ZCCHC17: variants seen among roughly 807,000 people sequenced by gnomAD.
ZCCHC17 encodes the protein zinc finger CCHC domain-containing protein 17.
In ZCCHC17, 18 loss-of-function variants were observed where a neutral mutation model predicts 30.6. The observed-to-expected ratio is 0.59, with a 90% confidence interval of 0.41 to 0.87. The LOEUF (loss-of-function observed/expected upper bound fraction) is 0.87. Among genes scored for constraint, ZCCHC17 ranks in the 40% least tolerant of loss-of-function variants. ZCCHC17 has a pLI of 0.00. For synonymous variants in ZCCHC17, 88 were observed against 92.4 expected (o/e 0.95, Z 0.27); for missense variants, 263 against 284.2 (o/e 0.93, Z 0.54).
In ZCCHC17 at chr1:31,364,150, A is replaced by G; in HGVS notation, c.683A>G (p.Lys228Arg). 6.2e-7 allele frequency: 1 copy of G among 1,613,930 alleles called. No individual in the cohort carries two copies. Among genetic ancestry groups the G allele is most frequent in the Non-Finnish European group, 8.5e-7 (1 of 1,179,902 alleles). The change falls in exon 8 of 8, where the codon AAG becomes AGG. Residue 228 changes from lysine (K) to arginine (R), a missense_variant. Transcript: ENST00000344147. ...HTSKDSKAAK[K>R]KKKKKKHKKK... ...TCAAAAGACAGCAAGGCAGCAAAGA[A>G]GAAGAAAAAGAAGAAGAAGCACAAG...
chr1:31,325,233 A>G (rs1334923682), intron 3 of ZCCHC17, among the ~76,000 whole-genome samples: 1 of 152,220 alleles, frequency 6.6e-6, no homozygotes, highest in African/African-American at 2.4e-5. Flanking sequence ...GGGTCTCCTG[A>G]GAGCTGTACC....
intron 7 of ZCCHC17, among the ~76,000 whole-genome samples, chr1:31,351,135 A>G (rs1325335541): frequency 4.6e-5 from 7 of 152,076 alleles, no homozygotes; most frequent in Admixed American, 2.0e-4. Context: ...CTACCTTTCT[A>G]TCATATATTA....
Position 31,340,133 on chromosome 1 carries a change from G to A in ZCCHC17, c.317+1085G>A, listed in dbSNP as rs371782957. On this transcript the variant is annotated intron_variant, in intron 5 of 7. Transcript: ENST00000344147. The stretch of plus-strand genomic sequence containing the variant: ...CACCACACCTAATTTTTATTTTGTA[G>A]AGACAGGGTCTCCCTATGTTGCCCA... Among the ~76,000 whole-genome samples, 5 of 151,266 alleles carry A rather than the reference G, an allele frequency of 3.3e-5. No individual in the cohort carries two copies. The East Asian group carries it at 9.8e-4, about 30-fold the overall frequency.
chr1:31,303,863 C>T (rs550890998), intron 1 of ZCCHC17, among the ~76,000 whole-genome samples: 3 of 152,336 alleles, frequency 2.0e-5, no homozygotes, highest in Non-Finnish European at 4.4e-5. Context: ...GGCCCCACCT[C>T]TTGATGCTCG....
intron 3 of ZCCHC17, among the ~76,000 whole-genome samples, chr1:31,322,378 T>G (rs531464067): frequency 1.3e-5 from 2 of 152,296 alleles, no homozygotes; most frequent in East Asian, 3.9e-4. Flanking sequence ...TTCCCAGCAC[T>G]TCCCCCCAAA....
chr1:31,360,058 C>T (rs1417167732), intron 7 of ZCCHC17, among the ~76,000 whole-genome samples: 1 of 151,952 alleles, frequency 6.6e-6, no homozygotes, highest in African/African-American at 2.4e-5. Context: ...TTGGCTGACC[C>T]CAACCTCTGC....
intron 3 of ZCCHC17, among the ~76,000 whole-genome samples, chr1:31,330,240 T>C (rs890778279): frequency 2.0e-4 from 31 of 152,242 alleles, no homozygotes; most frequent in African/African-American, 7.2e-4. Context: ...GGGACTATAA[T>C]GGGCTCACTC....
At chr1:31,353,725 C>T (rs180838217) in intron 7 of ZCCHC17, among the ~76,000 whole-genome samples, 2 of 151,006 alleles carry the variant, frequency 1.3e-5, no homozygotes, top group East Asian at 3.9e-4. Context: ...TTTAAAACAC[C>T]ATAGGTTGAA....
chr1:31,332,808 G>A (rs570861615), intron 3 of ZCCHC17, among the ~76,000 whole-genome samples: 1 of 152,212 alleles, frequency 6.6e-6, no homozygotes, highest in South Asian at 2.1e-4. Context: ...TTTTAGTAGA[G>A]ATGGAGTTTC....
At chr1:31,299,378 G>C (rs900508778) in intron 1 of ZCCHC17, among the ~76,000 whole-genome samples, 4 of 152,244 alleles carry the variant, frequency 2.6e-5, no homozygotes, top group Non-Finnish European at 5.9e-5. Context: ...CATGCATGGA[G>C]AAAACCTTTC....
At position 31,313,068 on chromosome 1, in the gene ZCCHC17, CTTTTTTT is replaced by C. The variant is rs59004055; in HGVS notation, c.66+2918_66+2924del. 7.9e-5 allele frequency among the ~76,000 whole-genome samples: 9 copies of C among 113,498 alleles called. No homozygotes were observed. The South Asian group carries it at 9.2e-4, about 12-fold the overall frequency. The allele number at this position is 113,498 out of a possible 152,430, so 74.5% of individuals were successfully genotyped here. A position where few individuals can be genotyped will look rare whatever the true frequency, so the allele number is the denominator to read the frequency against. Reference sequence around the variant, plus strand: ...AGGTGTGAGCCACCACACTGGGCCTCTTTTTTTTTTTTTTTTTTTTCTTTTTTTTGAG... The same window carrying C: ...AGGTGTGAGCCACCACACTGGGCCTCTTTTTTTTTTTTTCTTTTTTTTGAG... On this transcript the variant is annotated intron_variant, in intron 2 of 7. Coordinates refer to ENST00000344147, the MANE Select transcript of ZCCHC17 (RefSeq NM_016505.4).
At position 31,308,600 on chromosome 1, in the gene ZCCHC17, A is replaced by G. The variant is rs533085674; in HGVS notation, c.-55-1444A>G. ...AGGAAAGAGAACTGAGGATAGTACC[A>G]TTAGATTTATCTTGGCAGTGATTTA... On this transcript the variant is annotated intron_variant, in intron 1 of 7. Transcript: ENST00000344147. Among the ~76,000 whole-genome samples the G allele has an allele frequency of 9.8e-5, 15 of 152,360 alleles. No homozygotes were observed. In the South Asian group the frequency reaches 2.9e-3, roughly 29 times the overall value.
chr1:31,349,571 G>A (rs1423733669), intron 7 of ZCCHC17, among the ~76,000 whole-genome samples: 1 of 152,110 alleles, frequency 6.6e-6, no homozygotes, highest in African/African-American at 2.4e-5. Context: ...GGCCTCAAGT[G>A]ATCTACCCAC....
chr1:31,331,315 AT>A (rs922934392), intron 3 of ZCCHC17, among the ~76,000 whole-genome samples: 19 of 147,102 alleles, frequency 1.3e-4, no homozygotes, highest in East Asian at 2.0e-4. Flanking sequence ...TAATTTTTGT[AT>A]TTTTTTTTTA....
chr1:31,324,373 AGGGCT>A (rs1440210465), intron 3 of ZCCHC17, among the ~76,000 whole-genome samples: 1 of 152,192 alleles, frequency 6.6e-6, no homozygotes, highest in African/African-American at 2.4e-5. Context: ...CTGTGCGGCC[AGGGCT>A]GCATGTTCTA....
At chr1:31,355,199 A>G (rs1274547061) in intron 7 of ZCCHC17, among the ~76,000 whole-genome samples, 1 of 140,132 alleles carries the variant, frequency 7.1e-6, no homozygotes, top group Non-Finnish European at 1.6e-5. Context: ...AAAAAAAAAA[A>G]GTATCTTTGT....
Position 31,337,218 on chromosome 1 carries a change from G to C in ZCCHC17, c.168G>C (p.Lys56Asn). The C allele has an allele frequency of 6.2e-7, 1 of 1,614,112 alleles. No individual in the cohort carries two copies. Among genetic ancestry groups the C allele is most frequent in the Non-Finnish European group, 8.5e-7 (1 of 1,180,018 alleles). The stretch of plus-strand genomic sequence containing the variant: ...ATATGTCATCCTGTCGGGTGGATAA[G>C]CCCTCTGAGATAGTAGATGTTGGAG... Reference protein sequence around the residue: ...RTHMSSCRVDKPSEIVDVGDK... With the variant: ...RTHMSSCRVDNPSEIVDVGDK... Residue 56 changes from lysine to asparagine, a missense_variant, in exon 4 of 8, where the codon AAG (lysine) becomes AAC (asparagine). Coordinates refer to ENST00000344147, the MANE Select transcript of ZCCHC17 (RefSeq NM_016505.4).
intron 1 of ZCCHC17, among the ~76,000 whole-genome samples, chr1:31,307,737 G>A (rs1646500406): frequency 6.6e-6 from 1 of 152,084 alleles, no homozygotes; most frequent in East Asian, 1.9e-4. Context: ...ACCATGCCCG[G>A]CTCATTTTTT....
intron 1 of ZCCHC17, among the ~76,000 whole-genome samples, chr1:31,305,127 T>C (rs1031813758): frequency 4.6e-5 from 7 of 152,180 alleles, no homozygotes; most frequent in African/African-American, 1.7e-4. Context: ...ACCCAACTGC[T>C]CTGAGTGGGA....
Sources: gnomAD v4.1 joint callset for allele counts (sites outside exome capture counted in the v4.1 genomes callset) on GRCh38, gnomAD v4.1.1 for gene constraint, MANE v1.5 for transcripts, NCBI Gene and HGNC (gene_info 2026-07-23, HGNC 2026-07-21) for gene names.